GLP2R: variants seen among roughly 807,000 people sequenced by gnomAD.
The protein encoded by GLP2R is glucagon-like peptide 2 receptor.
Under a neutral mutation model 68.2 loss-of-function variants are expected in GLP2R, and 59 were observed. The ratio of observed to expected loss-of-function variants is 0.87; its 90% confidence interval spans 0.70 to 1.07. GLP2R has a LOEUF of 1.07. Ranked by LOEUF, GLP2R falls within the 50% of genes least tolerant of loss-of-function variation. The pLI is 0.00. For missense variants in GLP2R, 548 were observed against 677.4 expected, an observed-to-expected ratio of 0.81 and a Z score of 2.12; for synonymous variants, 270 against 265.4, an observed-to-expected ratio of 1.02 and a Z score of -0.17.
chr17:9,849,607 C>CTTTTTTTTTTTTTTTTT (rs57795068), intron 4 of GLP2R, among the ~76,000 whole-genome samples: 3 of 87,118 alleles, frequency 3.4e-5, no homozygotes, highest in African/African-American at 4.6e-5. Context: ...TTTTCTCTTT[C>CTTTTTTTTTTTTTTTTT]TTTTTTTTTT....
intron 9 of GLP2R, among the ~76,000 whole-genome samples, chr17:9,863,839 A>G (rs902291599): frequency 3.9e-5 from 6 of 152,194 alleles, no homozygotes; most frequent in African/African-American, 1.4e-4. Context: ...TGCCACTGTA[A>G]GCCCCATGTT....
intron 4 of GLP2R, among the ~76,000 whole-genome samples, chr17:9,846,110 C>T (rs2047665922): frequency 6.6e-6 from 1 of 152,140 alleles, no homozygotes; most frequent in Non-Finnish European, 1.5e-5. Flanking sequence ...TATGTCAATA[C>T]TGTTTTCATC....
intron 11 of GLP2R, among the ~76,000 whole-genome samples, chr17:9,887,181 A>G (rs1230006362): frequency 6.6e-6 from 1 of 152,018 alleles, no homozygotes; most frequent in Non-Finnish European, 1.5e-5. Flanking sequence ...CCAGAAGCTC[A>G]GAGAGTAGGG....
At chr17:9,884,044 G>A (rs1041185873) in intron 11 of GLP2R, among the ~76,000 whole-genome samples, 3 of 151,902 alleles carry the variant, frequency 2.0e-5, no homozygotes, top group Non-Finnish European at 4.4e-5. Flanking sequence ...GTATTTTTGG[G>A]CTTATAACAT....
At chr17:9,844,937 C>T (rs1193232551) in intron 4 of GLP2R, among the ~76,000 whole-genome samples, 6 of 151,484 alleles carry the variant, frequency 4.0e-5, no homozygotes, top group African/African-American at 9.7e-5. Context: ...GTGATCCACC[C>T]GCCTTGGCCT....
At chr17:9,885,579 T>C (rs1473094865) in intron 11 of GLP2R, among the ~76,000 whole-genome samples, 1 of 152,046 alleles carries the variant, frequency 6.6e-6, no homozygotes, top group Non-Finnish European at 1.5e-5. Context: ...CTCCTCCATG[T>C]GGCCTCTCCA....
intron 3 of GLP2R, among the ~76,000 whole-genome samples, chr17:9,838,751 C>G (rs565951936): frequency 6.6e-6 from 1 of 151,848 alleles, no homozygotes; most frequent in African/African-American, 2.4e-5. Flanking sequence ...CAAATGGATC[C>G]CTGCAGTGAA....
chr17:9,878,272 T>A (rs1306122591), intron 10 of GLP2R, among the ~76,000 whole-genome samples: 1 of 152,228 alleles, frequency 6.6e-6, no homozygotes, highest in East Asian at 1.9e-4. Flanking sequence ...TCTCCTCATT[T>A]TTCAAAAGAA....
At position 9,881,378 on chromosome 17, in the gene GLP2R, C is replaced by CTTTTT. The variant is rs35526930; in HGVS notation, c.1284+878_1284+882dup. 1.9e-4 allele frequency among the ~76,000 whole-genome samples: 18 copies of CTTTTT among 95,652 alleles called. 1 individual carries two copies. The highest frequency in any genetic ancestry group is 3.1e-4 in the Non-Finnish European group (16 of 51,230). 62.8% of individuals were successfully genotyped at this position (95,652 alleles called of 152,430 possible). On this transcript the variant is annotated intron_variant, in intron 11 of 12. Transcript: ENST00000262441. Reference sequence around the variant, plus strand: ...AGTATAAAAGCAGGAGCTGTCAGGCCTTTTTTTTTTTTTTTTTTTTGAGAC... The same window carrying CTTTTT: ...AGTATAAAAGCAGGAGCTGTCAGGCCTTTTTTTTTTTTTTTTTTTTTTTTTGAGAC...
intron 10 of GLP2R, among the ~76,000 whole-genome samples, chr17:9,878,497 A>G (rs2067161095): frequency 6.6e-6 from 1 of 152,218 alleles, no homozygotes; most frequent in Non-Finnish European, 1.5e-5. Flanking sequence ...AATGTTGCCT[A>G]GCGAAATGAC....
At chr17:9,865,807 C>A (rs758450885) in intron 9 of GLP2R, 17 of 470,954 alleles carry the variant, frequency 3.6e-5, no homozygotes, top group South Asian at 2.5e-4. Context: ...GAGGACATTG[C>A]TTAACTATTG....
At chr17:9,865,518 TC>T (rs1489129803) in intron 9 of GLP2R, among the ~76,000 whole-genome samples, 1 of 152,138 alleles carries the variant, frequency 6.6e-6, no homozygotes, top group African/African-American at 2.4e-5. Context: ...TTAGAGTCAT[TC>T]CCTCTCTACT....
rs1281606668 is a variant in GLP2R at position 9,826,185 on chromosome 17, G to A, written c.122G>A (p.Arg41Lys). 1 of 1,613,544 alleles carries A rather than the reference G, an allele frequency of 6.2e-7. No individual in the cohort carries two copies. Among genetic ancestry groups the A allele is most frequent in the Admixed American group, 1.7e-5 (1 of 59,992 alleles). The change falls in exon 1 of 13, where the codon AGG becomes AAG. Residue 41 changes from arginine (R) to lysine (K), a missense_variant. Coordinates refer to ENST00000262441, the MANE Select transcript of GLP2R (RefSeq NM_004246.3). ...PWGTSPLSFH[R>K]KCSLWAPGRP... ...GGGACCAGTCCTCTCTCCTTCCACA[G>A]GAAGTGCTCTCTCTGGGCCCCTGGG...
At chr17:9,878,985 A>T (rs180865942) in intron 10 of GLP2R, among the ~76,000 whole-genome samples, 4 of 152,238 alleles carry the variant, frequency 2.6e-5, no homozygotes, top group Admixed American at 2.0e-4. Context: ...TGGGTAAGAC[A>T]GTAGCTTTGT....
chr17:9,861,197 A>G lies in GLP2R; in HGVS notation c.984A>G (p.Thr328=). 1 of 1,604,580 alleles carries G rather than the reference A, an allele frequency of 6.2e-7. No homozygotes were observed. Among genetic ancestry groups the G allele is most frequent in the East Asian group, 2.2e-5 (1 of 44,774 alleles). ...WGFARAHLEN[T]GCWTTNGNKK... ...TCGCCCGTGCACACCTGGAGAACAC[A>G]GGGTAGGTAATTCACCAGGTGTTAT... The change falls in exon 8 of 13, where the codon ACA becomes ACG. Residue 328 remains threonine, a splice_region_variant and synonymous_variant. Transcript: ENST00000262441.
At chr17:9,843,452 T>G (rs1209393578) in intron 4 of GLP2R, among the ~76,000 whole-genome samples, 1 of 152,226 alleles carries the variant, frequency 6.6e-6, no homozygotes, top group African/African-American at 2.4e-5. Flanking sequence ...AGACATCAGT[T>G]TCTTAGGAGA....
At position 9,862,071 on chromosome 17, in the gene GLP2R, C is replaced by T. The variant is rs747353309; in HGVS notation, c.1037C>T (p.Pro346Leu). ...NKKIWWIIRG[P>L]MMLCVTVNFF... Reference sequence around the variant, plus strand: ...AAAATCTGGTGGATCATCCGAGGACCCATGATGCTCTGTGTAACAGTAAGG... The same window carrying T: ...AAAATCTGGTGGATCATCCGAGGACTCATGATGCTCTGTGTAACAGTAAGG... Residue 346 changes from proline to leucine, a missense_variant, in exon 9 of 13, where the codon CCC becomes CTC. Transcript: ENST00000262441. The T allele has an allele frequency of 6.2e-7, 1 of 1,613,184 alleles. No individual in the cohort carries two copies. Among genetic ancestry groups the T allele is most frequent in the Admixed American group, 1.7e-5 (1 of 60,020 alleles).
chr17:9,865,808 T>C (rs2067030885), intron 9 of GLP2R: 1 of 471,104 alleles, frequency 2.1e-6, no homozygotes, highest in Non-Finnish European at 4.4e-6. Context: ...AGGACATTGC[T>C]TAACTATTGT....
rs1487057137 is a variant in GLP2R, at chr17:9,889,977, A to G, written c.*272A>G. ...ACCAGACCCTAGGGCCTGGCTCTAA[A>G]TTCAAGCCAATGAAGTCCCACCATG... On this transcript the variant is annotated 3_prime_UTR_variant, in exon 13 of 13. Transcript: ENST00000262441. The G allele has an allele frequency of 1.9e-6, 1 of 534,880 alleles. No individual in the cohort carries two copies. Among genetic ancestry groups the G allele is most frequent in the Admixed American group, 2.2e-5 (1 of 44,706 alleles). 33.1% of individuals were successfully genotyped at this position (534,880 alleles called of 1,614,324 possible). A position where few individuals can be genotyped will look rare whatever the true frequency, so the allele number is the denominator to read the frequency against.
Sources: gnomAD v4.1 joint callset for allele counts (sites outside exome capture counted in the v4.1 genomes callset) on GRCh38, gnomAD v4.1.1 for gene constraint, MANE v1.5 for transcripts, NCBI Gene and HGNC (gene_info 2026-07-23, HGNC 2026-07-21) for gene names.